Variants in FAM81A observed in about 807,000 individuals in gnomAD.
The protein encoded by FAM81A is family with sequence similarity 81 member A.
Under a neutral mutation model 46.7 loss-of-function variants are expected in FAM81A, and 19 were observed. The observed-to-expected ratio is 0.41, with a 90% confidence interval of 0.28 to 0.60. The LOEUF (loss-of-function observed/expected upper bound fraction) is 0.60. FAM81A is among the 20% of genes least tolerant of loss of function. FAM81A has a pLI of 0.34. For synonymous variants in FAM81A, 183 were observed against 152.9 expected (o/e 1.20, Z -1.45); for missense variants, 377 against 453.5 (o/e 0.83, Z 1.53).
At chr15:59,472,338 C>G (rs1183067718) in intron 3 of FAM81A, among the ~76,000 whole-genome samples, 15 of 152,042 alleles carry the variant, frequency 9.9e-5, no homozygotes, top group African/African-American at 3.1e-4. Flanking sequence ...ATGCTACATT[C>G]AAAACTAAAA....
intron 4 of FAM81A, among the ~76,000 whole-genome samples, chr15:59,504,774 C>G (rs1210128941): frequency 1.3e-5 from 2 of 152,140 alleles, no homozygotes; most frequent in Non-Finnish European, 2.9e-5. Flanking sequence ...AGATGTTTCT[C>G]CATTATCTTC....
At chr15:59,415,964 C>T (rs1441898466) in intron 2 of FAM81A, among the ~76,000 whole-genome samples, 1 of 152,214 alleles carries the variant, frequency 6.6e-6, no homozygotes, top group Non-Finnish European at 1.5e-5. Context: ...CTGGAGCACA[C>T]AGCCAGGTAC....
At chr15:59,478,035 G>A (rs8043113) in intron 3 of FAM81A, among the ~76,000 whole-genome samples, 102,131 of 152,032 alleles carry the variant, frequency 0.67, 34,442 homozygotes, top group Non-Finnish European at 0.7. Flanking sequence ...AGCCGTTATC[G>A]GTCCCTGGAA....
At chr15:59,482,555 C>T (rs2141718336) in intron 3 of FAM81A, among the ~76,000 whole-genome samples, 1 of 152,326 alleles carries the variant, frequency 6.6e-6, no homozygotes, top group East Asian at 1.9e-4. Context: ...GGGCGTGAGC[C>T]ACCATGCCCA....
chr15:59,469,578 C>G (rs2081658724), intron 3 of FAM81A, among the ~76,000 whole-genome samples: 2 of 151,396 alleles, frequency 1.3e-5, no homozygotes, highest in South Asian at 4.2e-4. Flanking sequence ...GTAGATCTTC[C>G]TCCATCCCTT....
chr15:59,472,248 G>C (rs2081703050), intron 3 of FAM81A, among the ~76,000 whole-genome samples: 1 of 152,132 alleles, frequency 6.6e-6, no homozygotes, highest in Non-Finnish European at 1.5e-5. Context: ...GGCCGAGGTG[G>C]GAGGAATCGT....
chr15:59,516,572 A>T, intron 7 of FAM81A, 73 bp from the exon 8 acceptor site: 1 of 1,457,594 alleles, frequency 6.9e-7, no homozygotes, highest in Non-Finnish European at 9.4e-7. Context: ...GTTAAACGAT[A>T]TTATGGCTGA....
At chr15:59,513,416 G>A (rs370344565) in intron 6 of FAM81A, among the ~76,000 whole-genome samples, 5 of 152,254 alleles carry the variant, frequency 3.3e-5, no homozygotes, top group East Asian at 1.9e-4. Context: ...GTGGACCCTC[G>A]GAACTGCCGG....
intron 4 of FAM81A, among the ~76,000 whole-genome samples, chr15:59,497,171 G>T (rs1283052354): frequency 6.6e-6 from 1 of 151,522 alleles, no homozygotes. Flanking sequence ...GATCAGGCTA[G>T]GCATGGCGGC....
At chr15:59,468,407 A>T (rs1404725329) in intron 3 of FAM81A, among the ~76,000 whole-genome samples, 1 of 151,986 alleles carries the variant, frequency 6.6e-6, no homozygotes, top group African/African-American at 2.4e-5. Context: ...GTCTATTCAG[A>T]GATTCAACTT....
At chr15:59,468,740 T>C (rs1174195801) in intron 3 of FAM81A, among the ~76,000 whole-genome samples, 3 of 152,198 alleles carry the variant, frequency 2.0e-5, no homozygotes, top group Admixed American at 2.0e-4. Flanking sequence ...CTTAGTTATT[T>C]CTTGCCTTAT....
upstream of FAM81A, among the ~76,000 whole-genome samples, chr15:59,434,312 T>G (rs559472382): frequency 5.3e-5 from 8 of 152,354 alleles, no homozygotes; most frequent in East Asian, 1.5e-3. Context: ...TCCCTTATCT[T>G]AAAAACATCC....
chr15:59,399,024 C>T (rs1200532531), intron 1 of FAM81A, among the ~76,000 whole-genome samples: 1 of 151,868 alleles, frequency 6.6e-6, no homozygotes, highest in Non-Finnish European at 1.5e-5. Flanking sequence ...AAAAAGTTAT[C>T]CAGATGTGGT....
chr15:59,483,618 C>G (rs539111180), intron 3 of FAM81A, among the ~76,000 whole-genome samples: 7 of 152,220 alleles, frequency 4.6e-5, no homozygotes, highest in Admixed American at 3.3e-4. Context: ...ACATCAGAAA[C>G]CATCAAAATT....
intron 4 of FAM81A, among the ~76,000 whole-genome samples, chr15:59,492,725 A>G (rs2141758736): frequency 6.6e-6 from 1 of 152,264 alleles, no homozygotes; most frequent in South Asian, 2.1e-4. Flanking sequence ...TTGGAAATTT[A>G]ATTTTTCCTG....
At chr15:59,473,467 G>T (rs575744717) in intron 3 of FAM81A, among the ~76,000 whole-genome samples, 5 of 152,312 alleles carry the variant, frequency 3.3e-5, no homozygotes, top group African/African-American at 1.2e-4. Context: ...TCCACAGGAA[G>T]TCTTGGAACG....
In FAM81A at chr15:59,423,019, T is replaced by C. The variant is rs539076093; in HGVS notation, c.-78+20661T>C. 3.9e-4 allele frequency among the ~76,000 whole-genome samples: 59 copies of C among 152,354 alleles called. 2 individuals are homozygous for C. In the South Asian group the frequency reaches 0.012, roughly 30 times the overall value. On this transcript the variant is annotated intron_variant, in intron 2 of 4. Coordinates refer to the FAM81A transcript ENST00000558348. ...TGTTATTTATGGAATGCTTACTACA[T>C]GTGAGAGACTTTGTATATATTTTCT... is the stretch of plus-strand genomic sequence containing the variant.
intron 1 of FAM81A, among the ~76,000 whole-genome samples, chr15:59,447,540 T>A (rs2081366024): frequency 6.6e-6 from 1 of 152,188 alleles, no homozygotes; most frequent in Non-Finnish European, 1.5e-5. Flanking sequence ...TGCACATAAT[T>A]TGGAGGCACT....
intron 3 of FAM81A, among the ~76,000 whole-genome samples, chr15:59,468,755 G>T (rs1343866637): frequency 4.6e-5 from 7 of 151,838 alleles, no homozygotes; most frequent in African/African-American, 1.7e-4. Flanking sequence ...CCTTATGCTA[G>T]CTTTTGAATG....
Sources: allele counts gnomAD v4.1 joint callset (sites outside exome capture counted in the v4.1 genomes callset), GRCh38; gene constraint gnomAD v4.1.1; transcripts MANE v1.5; gene names NCBI Gene and HGNC (gene_info 2026-07-23, HGNC 2026-07-21).